Variants in SPAG16 observed in about 807,000 individuals in gnomAD.
The protein encoded by SPAG16 is sperm-associated antigen 16 protein.
A neutral mutation model predicts 80.4 loss-of-function variants in SPAG16; 86 were observed. The ratio of observed to expected loss-of-function variants is 1.07; its 90% CI spans 0.90 to 1.28. The LOEUF is 1.28. SPAG16 is among the 50% of genes most tolerant of loss of function. The pLI is 0.00. For missense variants in SPAG16, 870 were observed against 765.3 expected (o/e 1.14, Z -1.61); for synonymous variants, 294 against 265.9 (o/e 1.11, Z -1.03).
rs1269560713 is a variant in SPAG16 at position 213,904,616 on chromosome 2, AAAAAAC to A, written c.1215-25340_1215-25335del. ...TAAATTTTGCAAAAAAAAAAAAAAA[AAAAAAC>A]AAAGTAGGTAAAGGGCATAGTGTTA... On this transcript the variant is annotated intron_variant, in intron 11 of 15. Coordinates refer to ENST00000331683, the MANE Select transcript of SPAG16 (RefSeq NM_024532.5). 1.4e-3 allele frequency among the ~76,000 whole-genome samples: 207 copies of A among 151,790 alleles called. 1 individual carries two copies. The highest frequency in any genetic ancestry group is 4.4e-3 in the African/African-American group (183 of 41,368).
Position 213,687,186 on chromosome 2 carries a change from G to C in SPAG16, c.1071-175299G>C, listed in dbSNP as rs191191874. The stretch of plus-strand genomic sequence containing the variant: ...TCTTCACATATAGTATGAGGAACTT[G>C]TAAGAAAATATTACTACTTCCAATT... On this transcript the variant is annotated intron_variant, in intron 10 of 15. Transcript: ENST00000331683. Among the ~76,000 whole-genome samples, 249 of 152,116 alleles carry C rather than the reference G, an allele frequency of 1.6e-3. 2 individuals carry two copies. Among genetic ancestry groups the C allele is most frequent in the African/African-American group, 5.4e-3 (226 of 41,498 alleles).
intron 9 of SPAG16, among the ~76,000 whole-genome samples, chr2:213,443,647 A>C (rs377478981): frequency 1.3e-5 from 2 of 152,200 alleles, no homozygotes; most frequent in African/African-American, 4.8e-5. Context: ...TGCTGATTTC[A>C]TTACCTTTGG....
chr2:213,501,161 T>A (rs2074727208), intron 10 of SPAG16, among the ~76,000 whole-genome samples: 1 of 152,188 alleles, frequency 6.6e-6, no homozygotes, highest in African/African-American at 2.4e-5. Flanking sequence ...CTAGACTAAA[T>A]CTTTTAAGGT....
At chr2:213,648,312 C>CAA (rs59507502) in intron 10 of SPAG16, among the ~76,000 whole-genome samples, 2 of 150,422 alleles carry the variant, frequency 1.3e-5, no homozygotes, top group African/African-American at 4.9e-5. Flanking sequence ...TATGTCTATT[C>CAA]AAAAAAAAAT....
At chr2:213,991,192 C>G (rs1239129219) in intron 12 of SPAG16, among the ~76,000 whole-genome samples, 1 of 151,992 alleles carries the variant, frequency 6.6e-6, no homozygotes. Context: ...GTGATGTTCC[C>G]CTCCCTGTGT....
At chr2:214,027,597 C>T (rs1425472099) in intron 13 of SPAG16, among the ~76,000 whole-genome samples, 3 of 151,944 alleles carry the variant, frequency 2.0e-5, no homozygotes, top group Non-Finnish European at 4.4e-5. Flanking sequence ...TAGCTATATA[C>T]TCTTTCCAGC....
chr2:213,701,507 G>C lies in SPAG16; in HGVS notation c.1071-160978G>C, dbSNP rs537267764. Among the ~76,000 whole-genome samples, 3 of 152,204 alleles carry C rather than the reference G, an allele frequency of 2.0e-5. No individual in the cohort carries two copies. The South Asian group carries it at 6.2e-4, about 32-fold the overall frequency. The stretch of plus-strand genomic sequence containing the variant: ...GCTGCACTGTGGGAGCCCCTCTCTG[G>C]GCTGGCCAAGGCCAGAGCCAGCTCC... On this transcript the variant is annotated intron_variant, in intron 10 of 15. Transcript: ENST00000331683.
At chr2:214,108,317 T>G (rs1353328033) in intron 14 of SPAG16, 56 bp downstream of exon 14, 1 of 1,405,116 alleles carries the variant, frequency 7.1e-7, no homozygotes, top group Non-Finnish European at 9.9e-7. Context: ...ACAAATTCAT[T>G]TTTATAAAAC....
Position 214,270,124 on chromosome 2 carries a change from A to G in SPAG16, c.1720+120858A>G, listed in dbSNP as rs796130976. ...TTGTATCCCTTAGAACACCAGGTAC[A>G]AGATCATGCACTTAAAAATGTATTG... On this transcript the variant is annotated intron_variant, in intron 15 of 15. Transcript: ENST00000331683. Among the ~76,000 whole-genome samples, 3 of 152,290 alleles carry G rather than the reference A, an allele frequency of 2.0e-5. 1 individual carries two copies. The highest frequency in any genetic ancestry group is 7.2e-5 in the African/African-American group (3 of 41,578).
intron 9 of SPAG16, among the ~76,000 whole-genome samples, chr2:213,442,972 G>C (rs1449462462): frequency 6.6e-6 from 1 of 151,964 alleles, no homozygotes; most frequent in African/African-American, 2.4e-5. Flanking sequence ...ATAAGCCAAA[G>C]ACTGAGATAA....
intron 14 of SPAG16, 42 bp downstream of exon 14, chr2:214,108,303 A>G (rs1417956296): frequency 1.4e-6 from 2 of 1,460,814 alleles, no homozygotes; most frequent in Non-Finnish European, 1.9e-6. Flanking sequence ...AATGCTTCAT[A>G]TATACAAATT....
chr2:213,924,192 G>T (rs761434071), intron 11 of SPAG16, among the ~76,000 whole-genome samples: 13 of 152,188 alleles, frequency 8.5e-5, no homozygotes, highest in Admixed American at 7.2e-4. Flanking sequence ...ACTGGTGCTG[G>T]TCTGCTCTGG....
chr2:213,670,288 G>C (rs111616880), intron 10 of SPAG16, among the ~76,000 whole-genome samples: 1 of 151,942 alleles, frequency 6.6e-6, no homozygotes, highest in Non-Finnish European at 1.5e-5. Flanking sequence ...GAGCCACCGC[G>C]CCAGGCCAAG....
At chr2:213,423,380 G>A (rs140506160) in intron 9 of SPAG16, among the ~76,000 whole-genome samples, 2,051 of 152,260 alleles carry the variant, frequency 0.013, 25 homozygotes, top group Middle Eastern at 0.061. Context: ...AATAGGGTTA[G>A]GTTACCTTAA....
intron 15 of SPAG16, among the ~76,000 whole-genome samples, chr2:214,346,365 T>A (rs1698051542): frequency 1.3e-5 from 2 of 152,222 alleles, no homozygotes; most frequent in Non-Finnish European, 2.9e-5. Flanking sequence ...TAATTGACTA[T>A]CTTGGTATTC....
chr2:213,660,363 G>A (rs555860367), intron 10 of SPAG16, among the ~76,000 whole-genome samples: 7 of 151,340 alleles, frequency 4.6e-5, no homozygotes, highest in Admixed American at 1.3e-4. Flanking sequence ...TCTGCCTCCT[G>A]GGTGCAAGCA....
chr2:213,548,098 GT>G (rs1410121576), intron 10 of SPAG16, among the ~76,000 whole-genome samples: 1 of 152,236 alleles, frequency 6.6e-6, no homozygotes, highest in Admixed American at 6.5e-5. Flanking sequence ...GAATGCAAGG[GT>G]CAAGTTCTTG....
At chr2:213,492,515 C>G (rs571044689) in intron 10 of SPAG16, among the ~76,000 whole-genome samples, 1 of 151,548 alleles carries the variant, frequency 6.6e-6, no homozygotes, top group Non-Finnish European at 1.5e-5. Flanking sequence ...GTGCCACTGC[C>G]CTCCAGCCTA....
intron 12 of SPAG16, among the ~76,000 whole-genome samples, chr2:213,982,312 T>C (rs1200442844): frequency 1.3e-5 from 2 of 152,070 alleles, no homozygotes; most frequent in Non-Finnish European, 1.5e-5. Context: ...AAATAGTCTT[T>C]CTAATATTTG....
Sources: allele counts gnomAD v4.1 joint callset (sites outside exome capture counted in the v4.1 genomes callset), GRCh38; gene constraint gnomAD v4.1.1; transcripts MANE v1.5; gene names NCBI Gene and HGNC (gene_info 2026-07-23, HGNC 2026-07-21).